The following SLC22A2 variants were observed in gnomAD, a reference collection of about 807,000 sequenced individuals.
SLC22A2 encodes solute carrier family 22 member 2.
In SLC22A2, 46 loss-of-function variants were observed where a neutral mutation model predicts 60.5. The observed-to-expected ratio is 0.76, with a 90% CI of 0.60 to 0.97. The LOEUF is 0.97. SLC22A2 is among the 50% of genes least tolerant of loss of function. The pLI is 0.00. For synonymous variants in SLC22A2, 303 were observed against 267.0 expected (o/e 1.13, Z -1.31); for missense variants, 701 against 706.6 (o/e 0.99, Z 0.09).
At chr6:160,249,643 A>C (rs928622510) in intron 3 of SLC22A2, among the ~76,000 whole-genome samples, 17 of 152,216 alleles carry the variant, frequency 1.1e-4, no homozygotes, top group African/African-American at 4.1e-4. Flanking sequence ...TTGATTTATA[A>C]TTTTCATGAT....
At chr6:160,240,755 A>G (rs557801556) in intron 9 of SLC22A2, among the ~76,000 whole-genome samples, 2 of 152,238 alleles carry the variant, frequency 1.3e-5, no homozygotes, top group South Asian at 2.1e-4. Context: ...CTATATGCCC[A>G]TGGGAAAAAG....
intron 9 of SLC22A2, among the ~76,000 whole-genome samples, chr6:160,233,882 T>C (rs1187852037): frequency 6.6e-6 from 1 of 151,738 alleles, no homozygotes; most frequent in Non-Finnish European, 1.5e-5. Flanking sequence ...TTTACCAATA[T>C]TTTGTTTTTT....
intron 9 of SLC22A2, among the ~76,000 whole-genome samples, chr6:160,240,083 A>G (rs1782973413): frequency 6.6e-6 from 1 of 152,164 alleles, no homozygotes; most frequent in African/African-American, 2.4e-5. Flanking sequence ...TTATTAAGTC[A>G]GCTTTAGGGC....
chr6:160,256,387 T>C (rs1783272136), intron 2 of SLC22A2, among the ~76,000 whole-genome samples: 1 of 152,206 alleles, frequency 6.6e-6, no homozygotes, highest in Non-Finnish European at 1.5e-5. Flanking sequence ...TGCTGTGTAA[T>C]GTTGAAATAT....
At chr6:160,254,766 G>A (rs1366220212) in intron 2 of SLC22A2, among the ~76,000 whole-genome samples, 1 of 152,180 alleles carries the variant, frequency 6.6e-6, no homozygotes, top group Admixed American at 6.5e-5. Context: ...CCTTGACAGA[G>A]GGGATTTCAA....
At chr6:160,228,292 T>C (rs1186910706) in intron 9 of SLC22A2, among the ~76,000 whole-genome samples, 1 of 152,090 alleles carries the variant, frequency 6.6e-6, no homozygotes, top group Non-Finnish European at 1.5e-5. Flanking sequence ...GCAGCACTGA[T>C]TAATTAACTT....
intron 2 of SLC22A2, among the ~76,000 whole-genome samples, chr6:160,253,810 G>T (rs1783225584): frequency 6.6e-6 from 1 of 152,172 alleles, no homozygotes; most frequent in African/African-American, 2.4e-5. Flanking sequence ...TGGTGGAAAT[G>T]CTGTGTAATG....
intron 6 of SLC22A2, among the ~76,000 whole-genome samples, 198 bp from the exon 7 acceptor site, chr6:160,243,984 G>A (rs569309598): frequency 9.2e-5 from 14 of 152,158 alleles, no homozygotes; most frequent in Non-Finnish European, 1.6e-4. Context: ...CCAAAAACCA[G>A]GAGAAGGGAA....
At chr6:160,237,330 A>AT (rs1782925998) in intron 9 of SLC22A2, among the ~76,000 whole-genome samples, 1 of 151,904 alleles carries the variant, frequency 6.6e-6, no homozygotes, top group South Asian at 2.1e-4. Context: ...AATTTTGCTT[A>AT]TTTTTCTTTA....
At chr6:160,245,626 T>C in intron 5 of SLC22A2, 81 bp from the exon 6 acceptor site, 1 of 767,310 alleles carries the variant, frequency 1.3e-6, no homozygotes, top group South Asian at 2.0e-5. Flanking sequence ...CAATAATTTC[T>C]TACCGTCCTG....
At chr6:160,247,151 TCC>T (rs397840402) in intron 5 of SLC22A2, 31 bp downstream of exon 5, 3 of 1,201,670 alleles carry the variant, frequency 2.5e-6, no homozygotes, top group African/African-American at 1.5e-5. Context: ...CTTTTCTCCA[TCC>T]CCTGATTTGA....
intron 2 of SLC22A2, among the ~76,000 whole-genome samples, chr6:160,253,495 A>G (rs1783220021): frequency 6.6e-6 from 1 of 152,094 alleles, no homozygotes; most frequent in Non-Finnish European, 1.5e-5. Flanking sequence ...TGTTTTAGCT[A>G]GTCCTCAGTT....
rs752776448 is a variant in SLC22A2, at chr6:160,243,764, G to A, written c.1087C>T (p.Gln363Ter). ...YNWFTSSVLY[Q>*]GLIMHMGLAG... The stretch of plus-strand genomic sequence containing the variant: ...AGGCCCATGTGCATGATGAGGCCCT[G>A]GTAGAGCACAGAGCTCGTGAACCTG... Residue 363 changes from glutamine (Q) to a stop codon, truncating the protein, a stop_gained, in exon 7 of 11, where the codon CAG becomes TAG. Coordinates refer to ENST00000366953, the MANE Select transcript of SLC22A2 (RefSeq NM_003058.4). LOFTEE classifies it high-confidence loss of function. 2 of 1,613,600 alleles carry A rather than the reference G, an allele frequency of 1.2e-6. No individual in the cohort carries two copies. Among genetic ancestry groups the A allele is most frequent in the Non-Finnish European group, 1.7e-6 (2 of 1,179,784 alleles).
At chr6:160,223,772 G>C (rs1220150690) in intron 10 of SLC22A2, among the ~76,000 whole-genome samples, 1 of 152,092 alleles carries the variant, frequency 6.6e-6, no homozygotes, top group Non-Finnish European at 1.5e-5. Context: ...TTGTCGCCCA[G>C]GCTGGAGTGC....
At chr6:160,226,933 A>G (rs577458823) in intron 9 of SLC22A2, among the ~76,000 whole-genome samples, 27 of 152,266 alleles carry the variant, frequency 1.8e-4, no homozygotes, top group African/African-American at 6.3e-4. Flanking sequence ...ACATTAAAAC[A>G]TATCTTAAGA....
intron 9 of SLC22A2, among the ~76,000 whole-genome samples, chr6:160,228,250 C>T (rs1031528891): frequency 3.9e-5 from 6 of 152,154 alleles, no homozygotes; most frequent in African/African-American, 1.4e-4. Flanking sequence ...ACTGAGGAGA[C>T]CTCCCCTCCG....
chr6:160,217,144 A>G lies in SLC22A2; in HGVS notation c.*288T>C. 1 of 285,878 alleles carries G rather than the reference A, an allele frequency of 3.5e-6. No homozygotes were observed. Among genetic ancestry groups the G allele is most frequent in the Non-Finnish European group, 6.4e-6 (1 of 155,598 alleles). The allele number at this position is 285,878 out of a possible 1,614,324, so 17.7% of individuals were successfully genotyped here. Reference sequence around the variant, plus strand: ...GTTAGATAGCATTGCAAAGAAAAGAATCAAATTTAAAAAAATACAAAGATG... The same window carrying G: ...GTTAGATAGCATTGCAAAGAAAAGAGTCAAATTTAAAAAAATACAAAGATG... On this transcript the variant is annotated 3_prime_UTR_variant, in exon 11 of 11. Transcript: ENST00000366953.
chr6:160,223,004 C>CT, intron 10 of SLC22A2, among the ~76,000 whole-genome samples: 1 of 152,314 alleles, frequency 6.6e-6, no homozygotes, highest in African/African-American at 2.4e-5. Context: ...TCTTCCAACT[C>CT]TAAGACTCAA....
chr6:160,218,169 C>T (rs1409900383), intron 10 of SLC22A2: 1 of 240,814 alleles, frequency 4.2e-6, no homozygotes, highest in Non-Finnish European at 8.3e-6. Flanking sequence ...TGGACCAATC[C>T]AATCTGAGAC....
Sources: allele counts gnomAD v4.1 joint callset (sites outside exome capture counted in the v4.1 genomes callset), GRCh38; gene constraint gnomAD v4.1.1; transcripts MANE v1.5; gene names NCBI Gene and HGNC (gene_info 2026-07-23, HGNC 2026-07-21).